KCNN2: variants seen among roughly 807,000 people sequenced by gnomAD.
KCNN2 encodes small conductance calcium-activated potassium channel protein 2.
A neutral mutation model predicts 55.5 loss-of-function variants in KCNN2; 24 were observed. The observed-to-expected ratio is 0.43, with a 90% confidence interval of 0.31 to 0.61. KCNN2 has a LOEUF of 0.61. KCNN2 is among the 20% of genes least tolerant of loss of function. The pLI, the probability that KCNN2 is intolerant of heterozygous loss-of-function variation, is 0.08. For synonymous variants in KCNN2, 431 were observed against 336.1 expected (o/e 1.28, Z -3.09); for missense variants, 754 against 853.6 (o/e 0.88, Z 1.45).
intron 2 of KCNN2, among the ~76,000 whole-genome samples, chr5:114,264,672 G>T (rs1237406892): frequency 6.6e-6 from 1 of 152,148 alleles, no homozygotes; most frequent in African/African-American, 2.4e-5. Flanking sequence ...CAAAGAGTTG[G>T]CATTCTAAGC....
At chr5:114,091,577 C>A (rs1751144574) in intron 1 of KCNN2, among the ~76,000 whole-genome samples, 1 of 152,102 alleles carries the variant, frequency 6.6e-6, no homozygotes, top group Non-Finnish European at 1.5e-5. Flanking sequence ...CACTTGCAAC[C>A]TATATTAGTC....
chr5:114,488,471 A>G (rs1388211313), intron 6 of KCNN2, among the ~76,000 whole-genome samples: 1 of 152,224 alleles, frequency 6.6e-6, no homozygotes, highest in Non-Finnish European at 1.5e-5. Context: ...GGAAAAACAC[A>G]GAAAGGAACA....
At chr5:114,265,702 G>T (rs926799053) in intron 2 of KCNN2, among the ~76,000 whole-genome samples, 2 of 152,136 alleles carry the variant, frequency 1.3e-5, no homozygotes, top group Non-Finnish European at 2.9e-5. Flanking sequence ...CTTATCCCAA[G>T]TCACCCGCAC....
At chr5:114,111,602 C>G (rs562613179) in intron 1 of KCNN2, among the ~76,000 whole-genome samples, 4 of 152,030 alleles carry the variant, frequency 2.6e-5, no homozygotes, top group African/African-American at 9.7e-5. Flanking sequence ...GGCTAATATC[C>G]AGAATCTACA....
intron 1 of KCNN2, among the ~76,000 whole-genome samples, chr5:114,189,694 G>A (rs1490895135): frequency 1.3e-5 from 2 of 152,022 alleles, no homozygotes; most frequent in Non-Finnish European, 2.9e-5. Context: ...TATGAAATAG[G>A]TATGATTTTA....
At position 114,172,982 on chromosome 5, in the gene KCNN2, G is replaced by A. The variant is rs577939994; in HGVS notation, c.-270-48498G>A. ...TTCTGCTTTGGTTGCCAGTGCTTGT[G>A]GGGTATTACTCCAGAAATCTTTGCC... On this transcript the variant is annotated intron_variant, in intron 1 of 10. Transcript: ENST00000512097. Among the ~76,000 whole-genome samples the A allele has an allele frequency of 1.6e-4, 24 of 151,960 alleles. No individual in the cohort carries two copies. The South Asian group carries it at 3.3e-3, about 21-fold the overall frequency.
At chr5:114,347,250 C>G (rs930049706) in intron 2 of KCNN2, among the ~76,000 whole-genome samples, 1 of 152,090 alleles carries the variant, frequency 6.6e-6, no homozygotes, top group African/African-American at 2.4e-5. Context: ...TTTGCATAGT[C>G]TCAAAGAATC....
At chr5:114,481,842 T>C (rs1265902195) in intron 5 of KCNN2, among the ~76,000 whole-genome samples, 4 of 152,058 alleles carry the variant, frequency 2.6e-5, no homozygotes, top group Non-Finnish European at 5.9e-5. Flanking sequence ...ATGCAGAAAA[T>C]TGAAACTGGA....
chr5:114,078,913 A>G (rs1421762911), intron 1 of KCNN2, among the ~76,000 whole-genome samples: 1 of 152,216 alleles, frequency 6.6e-6, no homozygotes, highest in Non-Finnish European at 1.5e-5. Context: ...TACAACAATT[A>G]TTAGCAAGAA....
intron 3 of KCNN2, among the ~76,000 whole-genome samples, chr5:114,438,127 C>T (rs1410269048): frequency 2.6e-5 from 4 of 152,156 alleles, no homozygotes; most frequent in African/African-American, 9.7e-5. Flanking sequence ...AGATTGCCAG[C>T]AATCTGCCAC....
At chr5:114,196,032 C>T (rs909397774) in intron 1 of KCNN2, among the ~76,000 whole-genome samples, 13 of 151,890 alleles carry the variant, frequency 8.6e-5, no homozygotes, top group African/African-American at 2.9e-4. Context: ...CTCTCAGTAC[C>T]ATTTGTTGAA....
intron 2 of KCNN2, among the ~76,000 whole-genome samples, chr5:114,300,103 C>A (rs1206701848): frequency 6.6e-6 from 1 of 152,102 alleles, no homozygotes; most frequent in Non-Finnish European, 1.5e-5. Context: ...TCCCTTCTTA[C>A]AAAACCATGA....
intron 2 of KCNN2, among the ~76,000 whole-genome samples, chr5:114,263,942 C>T (rs1755160336): frequency 6.6e-6 from 1 of 152,138 alleles, no homozygotes; most frequent in Non-Finnish European, 1.5e-5. Context: ...TGAGCTGACC[C>T]AAATGCAAGC....
intron 1 of KCNN2, among the ~76,000 whole-genome samples, chr5:114,158,307 A>G (rs1440751868): frequency 6.6e-6 from 1 of 152,144 alleles, no homozygotes; most frequent in East Asian, 1.9e-4. Flanking sequence ...AAGATCAGAT[A>G]GTTGTAGTTA....
At chr5:114,122,487 C>T (rs986401786) in intron 1 of KCNN2, among the ~76,000 whole-genome samples, 7 of 152,262 alleles carry the variant, frequency 4.6e-5, no homozygotes, top group East Asian at 1.9e-4. Flanking sequence ...ATACCTTATA[C>T]GAGCCCATGA....
chr5:114,077,901 A>G (rs1053235446), intron 1 of KCNN2, among the ~76,000 whole-genome samples: 1 of 152,192 alleles, frequency 6.6e-6, no homozygotes, highest in Non-Finnish European at 1.5e-5. Flanking sequence ...TTGAAAACAG[A>G]CCAGGAGAGA....
At chr5:114,261,580 T>G (rs4566781) in intron 2 of KCNN2, among the ~76,000 whole-genome samples, 130,095 of 152,144 alleles carry the variant, frequency 0.86, 55,718 homozygotes, top group East Asian at 0.94. Flanking sequence ...TTTTGAAACT[T>G]CCACCTAAGA....
At chr5:114,312,675 G>C (rs985101424) in intron 2 of KCNN2, among the ~76,000 whole-genome samples, 1 of 151,670 alleles carries the variant, frequency 6.6e-6, no homozygotes, top group South Asian at 2.1e-4. Flanking sequence ...TCCTCTAGGG[G>C]TTAAGCCCTA....
chr5:114,274,088 A>C (rs1007660188), intron 2 of KCNN2, among the ~76,000 whole-genome samples: 2 of 152,190 alleles, frequency 1.3e-5, no homozygotes, highest in African/African-American at 4.8e-5. Context: ...ACCATTTATT[A>C]AATAGGGAAT....
Sources: allele counts gnomAD v4.1 joint callset (sites outside exome capture counted in the v4.1 genomes callset), GRCh38; gene constraint gnomAD v4.1.1; transcripts MANE v1.5; gene names NCBI Gene and HGNC (gene_info 2026-07-23, HGNC 2026-07-21).